The following USF3 variants were observed in gnomAD, a reference collection of about 807,000 sequenced individuals.
The protein encoded by USF3 is upstream transcription factor family member 3.
A neutral mutation model predicts 157.5 loss-of-function variants in USF3; 29 were observed. That is an observed-to-expected ratio of 0.18 (90% confidence interval 0.14 to 0.25). The LOEUF is 0.25. USF3 is among the 10% of genes least tolerant of loss of function. USF3 has a pLI of 1.00. For missense variants in USF3, 2,381 were observed against 2,667.6 expected, an observed-to-expected ratio of 0.89 and a Z score of 2.37; for synonymous variants, 893 against 941.4, an observed-to-expected ratio of 0.95 and a Z score of 0.94.
chr3:113,671,491 G>C lies in USF3; in HGVS notation c.77-1288C>G, dbSNP rs150757534. 5.7e-3 allele frequency among the ~76,000 whole-genome samples: 868 copies of C among 152,264 alleles called. 10 individuals carry two copies. The highest frequency in any genetic ancestry group is 0.016 in the African/African-American group (665 of 41,538). On this transcript the variant is annotated intron_variant, in intron 4 of 6. Coordinates refer to ENST00000316407, the MANE Select transcript of USF3 (RefSeq NM_001009899.4). ...CAACTGTGAAATGTTCCAGGCTTAA[G>C]TGTTACAAATTTAAAAGGGGTCAAA...
At position 113,650,120 on chromosome 3, in the gene USF3, T is replaced by C. The variant is rs1394480511; in HGVS notation, c.*4824A>G. 10 of 473,186 alleles carry C rather than the reference T, an allele frequency of 2.1e-5. No individual in the cohort carries two copies. The highest frequency in any genetic ancestry group is 9.9e-5 in the African/African-American group (5 of 50,488). 29.3% of individuals were successfully genotyped at this position (473,186 alleles called of 1,614,324 possible). On this transcript the variant is annotated 3_prime_UTR_variant, in exon 7 of 7. Coordinates refer to ENST00000316407, the MANE Select transcript of USF3 (RefSeq NM_001009899.4). ...TACCTCCAGGCAAAGGTAGCATTTATATAGACAACAAAATTACAAAAATGG... is the reference window on the plus strand; with the variant it reads ...TACCTCCAGGCAAAGGTAGCATTTACATAGACAACAAAATTACAAAAATGG...
intron 1 of USF3, among the ~76,000 whole-genome samples, chr3:113,686,328 C>T (rs1447064933): frequency 3.3e-5 from 5 of 152,180 alleles, no homozygotes; most frequent in Non-Finnish European, 7.3e-5. Context: ...CCAAGCACAG[C>T]GATTCTCTCT....
intron 3 of USF3, among the ~76,000 whole-genome samples, chr3:113,674,303 T>A (rs1487228105): frequency 6.6e-6 from 1 of 152,212 alleles, no homozygotes; most frequent in Non-Finnish European, 1.5e-5. Context: ...CTACTGACAG[T>A]CATTCTTGTT....
rs558684743 is a variant in USF3 at position 113,658,599 on chromosome 3, T to C, written c.3083A>G (p.His1028Arg). 1.9e-6 allele frequency: 3 copies of C among 1,613,654 alleles called. No homozygotes were observed. The highest frequency in any genetic ancestry group is 4.5e-5 in the East Asian group (2 of 44,892). The change falls in exon 7 of 7, where the codon CAT becomes CGT. Residue 1028 changes from histidine to arginine, a missense_variant. Coordinates refer to ENST00000316407, the MANE Select transcript of USF3 (RefSeq NM_001009899.4). ...AGGATTTTCTGAAGAAAAGTCAGGATGATCCATCTGATCAGAAAGAGATGA... is the reference window on the plus strand; with the variant it reads ...AGGATTTTCTGAAGAAAAGTCAGGACGATCCATCTGATCAGAAAGAGATGA... ...QKSSLSDQMDHPDFSSENPKI... is the reference protein window; with the variant it reads ...QKSSLSDQMDRPDFSSENPKI...
In USF3 at chr3:113,655,721, A is replaced by C; in HGVS notation, c.5961T>G (p.Gly1987=). 6.2e-7 allele frequency: 1 copy of C among 1,613,780 alleles called. No individual in the cohort carries two copies. Among genetic ancestry groups the C allele is most frequent in the Non-Finnish European group, 8.5e-7 (1 of 1,179,838 alleles). ...RSRHPLQDSS[G]SKIRQPERNR... ...TCCTTTCAGGCTGACGAATTTTGGA[A>C]CCACTGCTGTCTTGCAGGGGATGCC... The change falls in exon 7 of 7, where the codon GGT becomes GGG. Residue 1987 remains glycine (G), a synonymous_variant. Transcript: ENST00000316407.
At position 113,650,142 on chromosome 3, in the gene USF3, AT is replaced by A. The variant is rs1336113670; in HGVS notation, c.*4801del. The stretch of plus-strand genomic sequence containing the variant: ...TTATATAGACAACAAAATTACAAAA[AT>A]GGCTTCCAGGCTCCTAAAGATATCA... On this transcript the variant is annotated 3_prime_UTR_variant, in exon 7 of 7. Transcript: ENST00000316407. The A allele has an allele frequency of 9.6e-6, 4 of 415,340 alleles. No individual in the cohort carries two copies. The highest frequency in any genetic ancestry group is 8.2e-5 in the African/African-American group (4 of 49,038). The allele number at this position is 415,340 out of a possible 1,614,324, so 25.7% of individuals were successfully genotyped here.
Position 113,657,280 on chromosome 3 carries a change from GCT to G in USF3, c.4400_4401del (p.Gln1467ProfsTer41). On this transcript the variant is annotated frameshift_variant, in exon 7 of 7. Transcript: ENST00000316407. LOFTEE classifies it high-confidence loss of function. ...HLYIKQQQQQQQQQQQQQQQQ... is the reference protein window; with the variant it reads ...HLYIKQQQQQXQQQQQQQQQQ... ...TGTTGCTGTTGCTGCTGCTGCTGCTGCTGCTGCTGCTGCTGCTGCTTTATGTA... is the reference window on the plus strand; with the variant it reads ...TGTTGCTGTTGCTGCTGCTGCTGCTGGCTGCTGCTGCTGCTGCTTTATGTA... The G allele has an allele frequency of 6.2e-7, 1 of 1,605,208 alleles. No homozygotes were observed. The highest frequency in any genetic ancestry group is 8.5e-7 in the Non-Finnish European group (1 of 1,176,070).
chr3:113,683,770 C>G (rs998829349), intron 1 of USF3, among the ~76,000 whole-genome samples: 19 of 152,208 alleles, frequency 1.2e-4, no homozygotes, highest in Admixed American at 1.1e-3. Flanking sequence ...CCCAGCCCAT[C>G]CCCTGCTTTT....
Position 113,661,101 on chromosome 3 carries a change from G to A in USF3, c.581C>T (p.Thr194Ile). 6.2e-7 allele frequency: 1 copy of A among 1,614,178 alleles called. No homozygotes were observed. Among genetic ancestry groups the A allele is most frequent in the Non-Finnish European group, 8.5e-7 (1 of 1,180,024 alleles). The change falls in exon 7 of 7, where the codon ACT becomes ATT. Residue 194 changes from threonine to isoleucine, a missense_variant. Thr to Ile is a moderately conservative substitution (Grantham distance 89). This residue lies in a region of USF3 where 1,435 missense variants were observed against 1,550.9 expected (regional missense o/e 0.93). Coordinates refer to ENST00000316407, the MANE Select transcript of USF3 (RefSeq NM_001009899.4). ...VPVQRTCNLV[T>I]PVSISGVYPS... Reference sequence around the variant, plus strand: ...GTAAACTCCAGAAATAGATACAGGAGTCACAAGATTGCAAGTCCTCTGTAC... The same window carrying A: ...GTAAACTCCAGAAATAGATACAGGAATCACAAGATTGCAAGTCCTCTGTAC...
At chr3:113,692,526 T>C (rs1467277955) in intron 1 of USF3, among the ~76,000 whole-genome samples, 1 of 152,188 alleles carries the variant, frequency 6.6e-6, no homozygotes, top group African/African-American at 2.4e-5. Context: ...AATCATTATG[T>C]CATAGATTTT....
Position 113,652,287 on chromosome 3 carries a change from G to C in USF3, c.*2657C>G, listed in dbSNP as rs76806740. 1 of 151,958 alleles carries C rather than the reference G, an allele frequency of 6.6e-6. No individual in the cohort carries two copies. The highest frequency in any genetic ancestry group is 2.4e-5 in the African/African-American group (1 of 41,370). 9.4% of individuals were successfully genotyped at this position (151,958 alleles called of 1,614,324 possible). On this transcript the variant is annotated 3_prime_UTR_variant, in exon 7 of 7. Coordinates refer to ENST00000316407, the MANE Select transcript of USF3 (RefSeq NM_001009899.4). ...TTCAAGTACAAAGAAAAATTTGAAC[G>C]TTGCAGCTTAAAATTCAGTTAAGAG... is the stretch of plus-strand genomic sequence containing the variant.
At chr3:113,679,950 T>C (rs1321973893) in intron 1 of USF3, among the ~76,000 whole-genome samples, 1 of 145,432 alleles carries the variant, frequency 6.9e-6, no homozygotes, top group Non-Finnish European at 1.5e-5. Flanking sequence ...TATGTTTTTC[T>C]TTTTTTTTTT....
At position 113,658,238 on chromosome 3, in the gene USF3, C is replaced by A. The variant is rs138863952; in HGVS notation, c.3444G>T (p.Lys1148Asn). 2.1e-4 allele frequency: 334 copies of A among 1,614,140 alleles called. 5 individuals are homozygous for A. The East Asian group carries it at 7.1e-3, about 34-fold the overall frequency. Residue 1148 changes from lysine (K) to asparagine (N), a missense_variant, in exon 7 of 7, where the codon AAG (lysine) becomes AAT (asparagine). Lys to Asn is a moderately conservative substitution (Grantham distance 94, BLOSUM62 0). This residue lies in a region of USF3 where 1,435 missense variants were observed against 1,550.9 expected (regional missense o/e 0.93). Coordinates refer to ENST00000316407, the MANE Select transcript of USF3 (RefSeq NM_001009899.4). ...RAIFDQENLE[K>N]GRVGLQADIR... Reference sequence around the variant, plus strand: ...TATCAGCCTGGAGGCCAACTCTCCCCTTCTCAAGGTTCTCCTGGTCAAAAA... The same window carrying A: ...TATCAGCCTGGAGGCCAACTCTCCCATTCTCAAGGTTCTCCTGGTCAAAAA...
Position 113,653,723 on chromosome 3 carries a change from C to G in USF3, c.*1221G>C, listed in dbSNP as rs1947305483. 6.6e-6 allele frequency: 1 copy of G among 151,312 alleles called. No homozygotes were observed. Among genetic ancestry groups the G allele is most frequent in the South Asian group, 2.1e-4 (1 of 4,774 alleles). 9.4% of individuals were successfully genotyped at this position (151,312 alleles called of 1,614,324 possible). On this transcript the variant is annotated 3_prime_UTR_variant, in exon 7 of 7. Coordinates refer to ENST00000316407, the MANE Select transcript of USF3 (RefSeq NM_001009899.4). ...CCTGTTTTTAAAGGACCAATTCATA[C>G]TTTAAAATATGTGTACACACACACA...
At chr3:113,675,327 C>A (rs767706360) in intron 2 of USF3, among the ~76,000 whole-genome samples, 4 of 152,066 alleles carry the variant, frequency 2.6e-5, no homozygotes, top group Non-Finnish European at 5.9e-5. Context: ...ACAAAAAAAA[C>A]AAATGTGACA....
chr3:113,660,370 G>T lies in USF3; in HGVS notation c.1312C>A (p.Leu438Met), dbSNP rs936012991. 97 of 1,614,214 alleles carry T rather than the reference G, an allele frequency of 6.0e-5. No individual in the cohort carries two copies. Among genetic ancestry groups the T allele is most frequent in the Non-Finnish European group, 8.1e-5 (95 of 1,180,024 alleles). Residue 438 changes from leucine (L) to methionine (M), a missense_variant, in exon 7 of 7, where the codon CTG (leucine) becomes ATG (methionine). Leu to Met is a conservative substitution (Grantham distance 15). This residue lies in a region of USF3 where 1,435 missense variants were observed against 1,550.9 expected (regional missense o/e 0.93). Coordinates refer to ENST00000316407, the MANE Select transcript of USF3 (RefSeq NM_001009899.4). ...NTQTTWTTLQ[L>M]AGNTIQPLSQ... ...AAGGGCTGAATAGTGTTTCCTGCCA[G>T]TTGCAAAGTAGTCCACGTTGTCTGT... is the stretch of plus-strand genomic sequence containing the variant.
intron 1 of USF3, among the ~76,000 whole-genome samples, chr3:113,681,318 T>C (rs1460103956): frequency 6.6e-6 from 1 of 152,038 alleles, no homozygotes; most frequent in Non-Finnish European, 1.5e-5. Flanking sequence ...GCTTTCCTCT[T>C]ATTACCACTT....
chr3:113,684,732 A>C (rs1707510473), intron 1 of USF3, among the ~76,000 whole-genome samples: 1 of 152,096 alleles, frequency 6.6e-6, no homozygotes, highest in African/African-American at 2.4e-5. Context: ...ATTTATCGAT[A>C]GGATTCTGAA....
At position 113,661,115 on chromosome 3, in the gene USF3, A is replaced by G. The variant is rs749167746; in HGVS notation, c.567T>C (p.Thr189=). 8.7e-6 allele frequency: 14 copies of G among 1,614,228 alleles called. No individual in the cohort carries two copies. In the South Asian group the frequency reaches 1.5e-4, roughly 18 times the overall value. The change falls in exon 7 of 7, where the codon ACT becomes ACC. Residue 189 remains threonine, a synonymous_variant. Transcript: ENST00000316407. ...QTANVVPVQR[T]CNLVTPVSIS... is the part of the protein sequence containing the mutation. ...TAGATACAGGAGTCACAAGATTGCA[A>G]GTCCTCTGTACTGGCACCACATTGG...
Sources: gnomAD v4.1 joint callset for allele counts (sites outside exome capture counted in the v4.1 genomes callset) on GRCh38, gnomAD v4.1.1 for gene constraint, gnomAD v4.1.1 regional missense constraint, MANE v1.5 for transcripts, NCBI Gene and HGNC (gene_info 2026-07-23, HGNC 2026-07-21) for gene names.